GHR: variants seen among roughly 807,000 people sequenced by gnomAD.
GHR encodes the protein growth hormone receptor.
Under a neutral mutation model 67.1 loss-of-function variants are expected in GHR, and 35 were observed. The ratio of observed to expected loss-of-function variants is 0.52; its 90% CI spans 0.40 to 0.69. The LOEUF (loss-of-function observed/expected upper bound fraction) is 0.69, where lower values mean the gene tolerates loss of function less well. Among genes scored for constraint, GHR ranks in the 30% least tolerant of loss-of-function variants. GHR has a pLI of 0.00. For missense variants in GHR, 792 were observed against 764.6 expected (o/e 1.04, Z -0.42); for synonymous variants, 272 against 269.1 (o/e 1.01, Z -0.10).
chr5:42,439,428 C>T (rs1743471449), intron 1 of GHR, among the ~76,000 whole-genome samples: 1 of 152,192 alleles, frequency 6.6e-6, no homozygotes, highest in Non-Finnish European at 1.5e-5. Flanking sequence ...CCTAAAAGCT[C>T]AGAGGTCAAG....
chr5:42,687,583 A>G lies in GHR; in HGVS notation c.137-1307A>G, dbSNP rs149152037. On this transcript the variant is annotated intron_variant, in intron 3 of 9. Transcript: ENST00000230882. The stretch of plus-strand genomic sequence containing the variant: ...ATGAATTTGAATGATGGATTTGTTT[A>G]GAAGGTTTATAACATCCCATGCCTT... Among the ~76,000 whole-genome samples the G allele has an allele frequency of 3.6e-3, 552 of 152,370 alleles. 3 individuals are homozygous for G. Among genetic ancestry groups the G allele is most frequent in the African/African-American group, 0.012 (500 of 41,592 alleles).
At chr5:42,428,230 C>A (rs1742938814) in intron 1 of GHR, among the ~76,000 whole-genome samples, 1 of 152,238 alleles carries the variant, frequency 6.6e-6, no homozygotes, top group Non-Finnish European at 1.5e-5. Flanking sequence ...GCAGGACCAA[C>A]ACCACATGGA....
At position 42,721,617 on chromosome 5, in the gene GHR, T is replaced by G. The variant is rs1430594635; in HGVS notation, c.*2193T>G. On this transcript the variant is annotated 3_prime_UTR_variant, in exon 10 of 10. Coordinates refer to ENST00000230882, the MANE Select transcript of GHR (RefSeq NM_000163.5). Reference sequence around the variant, plus strand: ...TCAAAGCTGTGTGTTTGGAAGACTATCTTACTATTTCACAACAGCCTGACA... The same window carrying G: ...TCAAAGCTGTGTGTTTGGAAGACTAGCTTACTATTTCACAACAGCCTGACA... 1 of 152,648 alleles carries G rather than the reference T, an allele frequency of 6.6e-6. No homozygotes were observed. Among genetic ancestry groups the G allele is most frequent in the East Asian group, 1.9e-4 (1 of 5,202 alleles). 9.5% of individuals were successfully genotyped at this position (152,648 alleles called of 1,614,324 possible).
intron 6 of GHR, 61 bp downstream of exon 6, chr5:42,700,063 A>C: frequency 5.8e-5 from 58 of 992,740 alleles, no homozygotes; most frequent in Non-Finnish European, 7.8e-5. Context: ...ACTCTCTCTC[A>C]TTTATCATTA....
chr5:42,643,524 C>G (rs1754581442), intron 3 of GHR, among the ~76,000 whole-genome samples: 1 of 152,138 alleles, frequency 6.6e-6, no homozygotes, highest in South Asian at 2.1e-4. Context: ...TTGTTAATGT[C>G]TACACGACCT....
intron 3 of GHR, among the ~76,000 whole-genome samples, chr5:42,669,883 A>C (rs1216037900): frequency 6.6e-6 from 1 of 152,204 alleles, no homozygotes. Flanking sequence ...GAAGATGGTA[A>C]AAATAAATGA....
chr5:42,660,948 C>A (rs1755575755), intron 3 of GHR, among the ~76,000 whole-genome samples: 2 of 152,078 alleles, frequency 1.3e-5, no homozygotes. Flanking sequence ...GGCTCAAGAA[C>A]TACATGAAGA....
chr5:42,504,043 A>T (rs1019993647), intron 1 of GHR, among the ~76,000 whole-genome samples: 4 of 152,010 alleles, frequency 2.6e-5, no homozygotes, highest in Admixed American at 2.0e-4. Context: ...AATTTCTTAC[A>T]TTTTTTTTAA....
chr5:42,550,481 G>T (rs1032186964), intron 1 of GHR, among the ~76,000 whole-genome samples: 1 of 152,130 alleles, frequency 6.6e-6, no homozygotes, highest in Non-Finnish European at 1.5e-5. Context: ...GTTAATGTCA[G>T]CCAGAAGTAC....
intron 1 of GHR, among the ~76,000 whole-genome samples, chr5:42,499,203 G>A (rs566810963): frequency 1.1e-4 from 16 of 152,256 alleles, no homozygotes; most frequent in African/African-American, 3.6e-4. Flanking sequence ...CAATCCCTTT[G>A]GTAAGGGCAT....
At chr5:42,438,686 T>G (rs1743440261) in intron 1 of GHR, among the ~76,000 whole-genome samples, 1 of 152,176 alleles carries the variant, frequency 6.6e-6, no homozygotes, top group Admixed American at 6.5e-5. Context: ...AGTATGAAAC[T>G]GAAGCCTCTT....
intron 2 of GHR, among the ~76,000 whole-genome samples, chr5:42,600,918 C>CTTTTTTTTTTTTTTTTTTTTTTT (rs933355797): frequency 1.5e-5 from 1 of 66,666 alleles, no homozygotes; most frequent in Admixed American, 2.3e-4. Flanking sequence ...TCTTTCTATT[C>CTTTTTTTTTTTTTTTTTTTTTTT]TTTTTTTTTT....
At chr5:42,602,874 T>A (rs975317276) in intron 2 of GHR, among the ~76,000 whole-genome samples, 3 of 152,208 alleles carry the variant, frequency 2.0e-5, no homozygotes, top group Admixed American at 2.0e-4. Context: ...GTTGTTTTAA[T>A]ACTTGTCTTT....
At position 42,719,124 on chromosome 5, in the gene GHR, T is replaced by C; in HGVS notation, c.1617T>C (p.Asp539=). ...ACAATGCCTACTTCTGTGAGGCAGATGCCAAAAAGTGCATCCCTGTGGCTC... is the reference window on the plus strand; with the variant it reads ...ACAATGCCTACTTCTGTGAGGCAGACGCCAAAAAGTGCATCCCTGTGGCTC... ...LMDNAYFCEA[D]AKKCIPVAPH... Residue 539 remains aspartate (D), a synonymous_variant, in exon 10 of 10, where the codon GAT becomes GAC. Transcript: ENST00000230882. 1 of 1,613,946 alleles carries C rather than the reference T, an allele frequency of 6.2e-7. No homozygotes were observed. The highest frequency in any genetic ancestry group is 8.5e-7 in the Non-Finnish European group (1 of 1,179,838).
chr5:42,558,632 A>G (rs1478794561), intron 1 of GHR, among the ~76,000 whole-genome samples: 2 of 152,228 alleles, frequency 1.3e-5, no homozygotes, highest in African/African-American at 2.4e-5. Flanking sequence ...TGCTTATACT[A>G]TTCAATAGAG....
chr5:42,517,399 G>A (rs1211123472), intron 1 of GHR, among the ~76,000 whole-genome samples: 1 of 152,184 alleles, frequency 6.6e-6, no homozygotes, highest in Non-Finnish European at 1.5e-5. Flanking sequence ...TAACCTCTGG[G>A]CCTAAATCAG....
chr5:42,495,646 T>C (rs955298143), intron 1 of GHR, among the ~76,000 whole-genome samples: 1 of 152,048 alleles, frequency 6.6e-6, no homozygotes, highest in African/African-American at 2.4e-5. Flanking sequence ...TATGGGATGG[T>C]AGGTTCATTT....
intron 5 of GHR, among the ~76,000 whole-genome samples, chr5:42,695,734 T>C (rs1026434998): frequency 8.5e-5 from 13 of 152,186 alleles, no homozygotes; most frequent in Non-Finnish European, 1.8e-4. Context: ...AGAATAGTCA[T>C]GTTTATACCT....
chr5:42,719,513 T>G lies in GHR; in HGVS notation c.*89T>G. The G allele has an allele frequency of 7.8e-7, 1 of 1,276,332 alleles. No individual in the cohort carries two copies. The highest frequency in any genetic ancestry group is 1.1e-6 in the Non-Finnish European group (1 of 884,810). The allele number at this position is 1,276,332 out of a possible 1,614,324, so 79.1% of individuals were successfully genotyped here. A position where few individuals can be genotyped will look rare whatever the true frequency, so the allele number is the denominator to read the frequency against. On this transcript the variant is annotated 3_prime_UTR_variant, in exon 10 of 10. Transcript: ENST00000230882. ...TTAAGCCAAAACAATGTTTAAACCTTTTTTGGGGGAGTGACAGGATGGGGT... is the reference window on the plus strand; with the variant it reads ...TTAAGCCAAAACAATGTTTAAACCTGTTTTGGGGGAGTGACAGGATGGGGT...
Sources: allele counts gnomAD v4.1 joint callset (sites outside exome capture counted in the v4.1 genomes callset), GRCh38; gene constraint gnomAD v4.1.1; transcripts MANE v1.5; gene names NCBI Gene and HGNC (gene_info 2026-07-23, HGNC 2026-07-21).